MICAL2: variants seen among roughly 807,000 people sequenced by gnomAD.
MICAL2 encodes microtubule associated monooxygenase, calponin and LIM domain containing 2.
In MICAL2, 77 loss-of-function variants were observed where a neutral mutation model predicts 127.3. That is an observed-to-expected ratio of 0.60 (90% confidence interval 0.50 to 0.73). The LOEUF (loss-of-function observed/expected upper bound fraction) is 0.73, where lower values mean the gene tolerates loss of function less well. MICAL2 is among the 30% of genes least tolerant of loss of function. The pLI is 0.00. For synonymous variants in MICAL2, 570 were observed against 551.1 expected (o/e 1.03, Z -0.48); for missense variants, 1,351 against 1,434.4 (o/e 0.94, Z 0.94).
intron 32 of MICAL2, among the ~76,000 whole-genome samples, chr11:12,336,662 AG>A (rs553430553): frequency 8.0e-4 from 122 of 152,152 alleles, no homozygotes; most frequent in African/African-American, 2.5e-3. Context: ...TTTAGCATGA[AG>A]GGTTGTTGAA....
chr11:12,268,489 T>C (rs1438906610), downstream of MICAL2, among the ~76,000 whole-genome samples: 1 of 152,214 alleles, frequency 6.6e-6, no homozygotes, highest in African/African-American at 2.4e-5. Flanking sequence ...AGGTGGCAGA[T>C]GTGAGACAAG....
At chr11:12,163,196 C>T (rs2068738287) in intron 3 of MICAL2, among the ~76,000 whole-genome samples, 1 of 152,202 alleles carries the variant, frequency 6.6e-6, no homozygotes, top group Admixed American at 6.5e-5. Flanking sequence ...CTATCGCAAC[C>T]TTTCTCTGAC....
At chr11:12,323,584 C>A (rs1234988504) in intron 30 of MICAL2, among the ~76,000 whole-genome samples, 1 of 151,826 alleles carries the variant, frequency 6.6e-6, no homozygotes, top group Non-Finnish European at 1.5e-5. Flanking sequence ...AGACAGTATT[C>A]TATTATAGCA....
At chr11:12,332,977 G>T (rs541842199) in intron 32 of MICAL2, among the ~76,000 whole-genome samples, 2 of 152,104 alleles carry the variant, frequency 1.3e-5, no homozygotes, top group Admixed American at 1.3e-4. Context: ...CCGACAGTCC[G>T]CTTGCTGTAT....
intron 31 of MICAL2, among the ~76,000 whole-genome samples, chr11:12,325,217 C>A (rs1475468348): frequency 6.6e-6 from 1 of 152,138 alleles, no homozygotes; most frequent in African/African-American, 2.4e-5. Context: ...TCAAGCGATT[C>A]TCTTGCCTCA....
Position 12,242,346 on chromosome 11 carries a change from G to T in MICAL2, c.2470G>T (p.Ala824Ser). The change falls in exon 19 of 28, where the codon GCT becomes TCT. Residue 824 changes from alanine to serine, a missense_variant. Ala to Ser is a moderately conservative substitution (Grantham distance 99, BLOSUM62 1). Coordinates refer to ENST00000683283, the MANE Select transcript of MICAL2 (RefSeq NM_001282663.2). ...DLQLGGTENF[A>S]TLPSTRPRAQ... ...ACAGCTGGGTGGGACAGAAAATTTC[G>T]CTACCCTGCCTTCTACCCGCCCGAG... 1 of 1,614,122 alleles carries T rather than the reference G, an allele frequency of 6.2e-7. No individual in the cohort carries two copies. Among genetic ancestry groups the T allele is most frequent in the Non-Finnish European group, 8.5e-7 (1 of 1,179,982 alleles).
chr11:12,158,362 GA>G (rs1240468663), intron 2 of MICAL2, among the ~76,000 whole-genome samples: 2 of 152,218 alleles, frequency 1.3e-5, no homozygotes, highest in African/African-American at 4.8e-5. Context: ...GCTGTTTGAA[GA>G]ATCGTAATGA....
chr11:12,349,915 T>C, exon 33 of MICAL2: 3 of 1,614,046 alleles, frequency 1.9e-6, no homozygotes, highest in Non-Finnish European at 2.5e-6. Flanking sequence ...ATTAATGCGA[T>C]ATGAGTCGGA....
intron 3 of MICAL2, among the ~76,000 whole-genome samples, chr11:12,165,281 A>G (rs1277663505): frequency 6.6e-6 from 1 of 152,198 alleles, no homozygotes; most frequent in Non-Finnish European, 1.5e-5. Context: ...TGGGTGGTTA[A>G]TGGCCAGCTC....
intron 2 of MICAL2, among the ~76,000 whole-genome samples, chr11:12,283,101 T>C (rs988105406): frequency 2.0e-5 from 3 of 152,260 alleles, no homozygotes; most frequent in African/African-American, 4.8e-5. Flanking sequence ...TTATCATTGC[T>C]AGGTGGACCA....
chr11:12,320,805 G>A (rs918675918), intron 30 of MICAL2, among the ~76,000 whole-genome samples: 3 of 152,076 alleles, frequency 2.0e-5, no homozygotes, highest in East Asian at 3.9e-4. Flanking sequence ...GGTGTGGGGA[G>A]GGGAGGAGAG....
chr11:12,354,449 G>A (rs1939099293), intron 33 of MICAL2, among the ~76,000 whole-genome samples: 1 of 148,708 alleles, frequency 6.7e-6, no homozygotes, highest in South Asian at 2.2e-4. Context: ...TCCAGCCTGG[G>A]TGACAAGAGC....
chr11:12,114,010 C>T (rs1016269872), intron 1 of MICAL2, among the ~76,000 whole-genome samples: 8 of 152,180 alleles, frequency 5.3e-5, no homozygotes, highest in Non-Finnish European at 1.2e-4. Flanking sequence ...AGCTTTTATG[C>T]GAGCTATGTC....
rs755187434 is a variant in MICAL2 at position 12,204,401 on chromosome 11, G to T, written c.416G>T (p.Gly139Val). Reference sequence around the variant, plus strand: ...CCTTTCACCATCCATGACCTTCGTGGCCTGGGAGCCAAGAAGTTCTATGGG... The same window carrying T: ...CCTTTCACCATCCATGACCTTCGTGTCCTGGGAGCCAAGAAGTTCTATGGG... Reference protein sequence around the residue: ...LWPFTIHDLRGLGAKKFYGKF... With the variant: ...LWPFTIHDLRVLGAKKFYGKF... Residue 139 changes from glycine (G) to valine (V), a missense_variant, in exon 4 of 28, where the codon GGC (glycine) becomes GTC (valine). By Grantham distance (109) the Gly-to-Val change is moderately radical (BLOSUM62 -3). This residue lies in a region of MICAL2 where 599 missense variants were observed against 714.9 expected (regional missense o/e 0.84). Transcript: ENST00000683283. 4 of 1,612,620 alleles carry T rather than the reference G, an allele frequency of 2.5e-6. No homozygotes were observed. In the South Asian group the frequency reaches 3.3e-5, roughly 13 times the overall value.
At chr11:12,358,286 T>C (rs770825063) in intron 34 of MICAL2, 6 of 1,611,588 alleles carry the variant, frequency 3.7e-6, no homozygotes, top group Admixed American at 1.7e-5. Context: ...TTTTCTTTTT[T>C]TTCTTTAGAG....
chr11:12,155,008 A>G (rs963294293), intron 2 of MICAL2, among the ~76,000 whole-genome samples: 2 of 152,194 alleles, frequency 1.3e-5, no homozygotes, highest in African/African-American at 4.8e-5. Context: ...GCTGTCTTCT[A>G]TCAAACAAGG....
At chr11:12,165,739 T>C (rs1267160260) in intron 3 of MICAL2, among the ~76,000 whole-genome samples, 1 of 152,130 alleles carries the variant, frequency 6.6e-6, no homozygotes. Flanking sequence ...CGTGTGACAG[T>C]GGTGAGAGAT....
downstream of MICAL2, chr11:12,358,496 T>G (rs1004029579): frequency 4.3e-6 from 7 of 1,609,666 alleles, no homozygotes; most frequent in African/African-American, 6.7e-5. Context: ...CCGTAGTCCC[T>G]CTCCCTGGCT....
At chr11:12,131,299 CAAAAAAAAA>C (rs60340716) in intron 1 of MICAL2, among the ~76,000 whole-genome samples, 2 of 13,702 alleles carry the variant, frequency 1.5e-4, no homozygotes, top group Admixed American at 3.1e-3. Context: ...GACTCCGTCT[CAAAAAAAAA>C]AAAAAAAAAA....
Sources: gnomAD v4.1 joint callset for allele counts (sites outside exome capture counted in the v4.1 genomes callset) on GRCh38, gnomAD v4.1.1 for gene constraint, gnomAD v4.1.1 regional missense constraint, MANE v1.5 for transcripts, NCBI Gene and HGNC (gene_info 2026-07-23, HGNC 2026-07-21) for gene names.